The following SVEP1 variants were observed in gnomAD, a reference collection of about 807,000 sequenced individuals.
SVEP1 encodes sushi, von Willebrand factor type A, EGF and pentraxin domain containing 1.
A neutral mutation model predicts 367.3 loss-of-function variants in SVEP1; 164 were observed. That is an observed-to-expected ratio of 0.45 (90% CI 0.39 to 0.51). The LOEUF (loss-of-function observed/expected upper bound fraction) is 0.51. Ranked by LOEUF, SVEP1 falls within the 20% of genes least tolerant of loss-of-function variation. The probability of loss-of-function intolerance (pLI) is 0.00; values close to 1 mark genes in which losing one functional copy is unlikely to be tolerated. For synonymous variants in SVEP1, 1,666 were observed against 1,611.6 expected (o/e 1.03, Z -0.81); for missense variants, 4,117 against 4,425.3 (o/e 0.93, Z 1.98).
At chr9:110,368,554 T>C (rs1447456895) in intron 47 of SVEP1, among the ~76,000 whole-genome samples, 1 of 152,252 alleles carries the variant, frequency 6.6e-6, no homozygotes, top group Non-Finnish European at 1.5e-5. Flanking sequence ...AAAGAACTCC[T>C]ATCGACAGTT....
At chr9:110,570,007 G>A (rs889082046) in intron 1 of SVEP1, among the ~76,000 whole-genome samples, 10 of 152,176 alleles carry the variant, frequency 6.6e-5, no homozygotes, top group Admixed American at 2.0e-4. Flanking sequence ...CATTTTCTGA[G>A]TGCTATCTTT....
intron 3 of SVEP1, among the ~76,000 whole-genome samples, chr9:110,540,229 C>G (rs1482733982): frequency 6.6e-6 from 1 of 151,992 alleles, no homozygotes; most frequent in Non-Finnish European, 1.5e-5. Flanking sequence ...GACAGTCATA[C>G]TAGTAACAGA....
intron 3 of SVEP1, among the ~76,000 whole-genome samples, chr9:110,530,652 T>C (rs1354581870): frequency 6.6e-6 from 1 of 152,122 alleles, no homozygotes; most frequent in Non-Finnish European, 1.5e-5. Flanking sequence ...TTCTCCTGCC[T>C]CAGCCACCCA....
intron 40 of SVEP1, among the ~76,000 whole-genome samples, chr9:110,391,046 TTATAAC>T (rs1282615735): frequency 6.6e-6 from 1 of 152,116 alleles, no homozygotes; most frequent in Non-Finnish European, 1.5e-5. Flanking sequence ...CTCTTAAAAA[TTATAAC>T]CATAACATTA....
chr9:110,566,148 T>C (rs775450442), intron 1 of SVEP1, among the ~76,000 whole-genome samples: 1 of 151,612 alleles, frequency 6.6e-6, no homozygotes, highest in East Asian at 1.9e-4. Context: ...CAAAACCACA[T>C]CTCTACAAAA....
intron 30 of SVEP1, among the ~76,000 whole-genome samples, chr9:110,434,026 T>C (rs1350725180): frequency 6.6e-6 from 1 of 152,148 alleles, no homozygotes; most frequent in Admixed American, 6.5e-5. Context: ...CGACTGAAGA[T>C]GGCTCTCCCT....
At chr9:110,500,678 C>G (rs1310882845) in intron 6 of SVEP1, among the ~76,000 whole-genome samples, 1 of 152,084 alleles carries the variant, frequency 6.6e-6, no homozygotes, top group Non-Finnish European at 1.5e-5. Context: ...TTGTTTTTCA[C>G]AAGGAGCTAG....
chr9:110,401,318 G>A (rs946198887), intron 39 of SVEP1, among the ~76,000 whole-genome samples: 29 of 151,750 alleles, frequency 1.9e-4, no homozygotes, highest in African/African-American at 6.8e-4. Context: ...TATAATGCAC[G>A]AGAACTGGAG....
In SVEP1 at chr9:110,553,865, T is replaced by G. The variant is rs184933431; in HGVS notation, c.532-3761A>C. On this transcript the variant is annotated intron_variant, in intron 1 of 47. Transcript: ENST00000374469. The stretch of plus-strand genomic sequence containing the variant: ...CGAGCAAAAACCTTGGAATCATCCT[T>G]ATCTCCTGTGTCTTCCTGTATCTTG... 2.3e-3 allele frequency among the ~76,000 whole-genome samples: 350 copies of G among 152,324 alleles called. 2 individuals are homozygous for G. The highest frequency in any genetic ancestry group is 7.7e-3 in the African/African-American group (319 of 41,576).
chr9:110,375,274 G>T, intron 46 of SVEP1, 94 bp downstream of exon 46: 1 of 1,088,238 alleles, frequency 9.2e-7, no homozygotes, highest in South Asian at 1.6e-5. Flanking sequence ...TTTTCATTTT[G>T]CCACCACTTC....
intron 8 of SVEP1, among the ~76,000 whole-genome samples, chr9:110,490,265 T>A (rs915614035): frequency 6.6e-6 from 1 of 152,214 alleles, no homozygotes; most frequent in Admixed American, 6.5e-5. Flanking sequence ...TCATATAGTT[T>A]ATAAAGATCA....
At chr9:110,516,426 TA>T in intron 3 of SVEP1, among the ~76,000 whole-genome samples, 1 of 151,768 alleles carries the variant, frequency 6.6e-6, no homozygotes, top group East Asian at 1.9e-4. Context: ...AGGAAACACT[TA>T]AAAATAGTAA....
chr9:110,386,067 T>C lies in SVEP1; in HGVS notation c.10068A>G (p.Pro3356=), dbSNP rs567605493. 7.0e-5 allele frequency: 112 copies of C among 1,602,928 alleles called. No individual in the cohort carries two copies. The highest frequency in any genetic ancestry group is 6.4e-5 in the Non-Finnish European group (75 of 1,176,296). Residue 3356 remains proline (P), a synonymous_variant, in exon 43 of 48, where the codon CCA becomes CCG. Transcript: ENST00000374469. ...SHPVPLCKPN[P]CPVPFVIPEN... ...CGGGAATCACAAAAGGAACAGGGCA[T>C]GGATTTGCTGTCAAAAAGAAAAGAA...
At chr9:110,528,156 G>GTGTGTGTGTGTATGTATATATATA in intron 3 of SVEP1, among the ~76,000 whole-genome samples, 2 of 33,940 alleles carry the variant, frequency 5.9e-5, no homozygotes, top group Non-Finnish European at 1.1e-4. Flanking sequence ...GTGTGTGTGT[G>GTGTGTGTGTGTATGTATATATATA]TATATATATA....
chr9:110,536,863 G>T (rs778739067), intron 3 of SVEP1, among the ~76,000 whole-genome samples: 1 of 151,746 alleles, frequency 6.6e-6, no homozygotes, highest in Non-Finnish European at 1.5e-5. Context: ...TTAACTACAG[G>T]CACTGTTTTA....
chr9:110,458,599 A>C (rs1413290687), intron 19 of SVEP1, 37 bp from the exon 20 acceptor site: 40 of 1,563,584 alleles, frequency 2.6e-5, no homozygotes, highest in Non-Finnish European at 3.5e-5. Context: ...AGTGTGGCAA[A>C]TATGCCAGTA....
chr9:110,502,316 G>C (rs557855263), intron 6 of SVEP1, among the ~76,000 whole-genome samples: 1 of 152,092 alleles, frequency 6.6e-6, no homozygotes, highest in African/African-American at 2.4e-5. Context: ...TGTTAGCCAG[G>C]CTGGTCTGCA....
intron 27 of SVEP1, among the ~76,000 whole-genome samples, chr9:110,440,556 C>T (rs1201139719): frequency 1.3e-5 from 2 of 152,138 alleles, no homozygotes; most frequent in Non-Finnish European, 1.5e-5. Context: ...CTTTCCGATA[C>T]AGTGTGGTTA....
chr9:110,549,601 A>G (rs1274884123), intron 2 of SVEP1, among the ~76,000 whole-genome samples: 1 of 152,236 alleles, frequency 6.6e-6, no homozygotes, highest in East Asian at 1.9e-4. Context: ...AGGTGGGAGC[A>G]TATGGATATT....
Sources: allele counts gnomAD v4.1 joint callset (sites outside exome capture counted in the v4.1 genomes callset), GRCh38; gene constraint gnomAD v4.1.1; transcripts MANE v1.5; gene names NCBI Gene and HGNC (gene_info 2026-07-23, HGNC 2026-07-21).